The following RABGAP1L variants were observed in gnomAD, a reference collection of about 807,000 sequenced individuals.
RABGAP1L encodes rab GTPase-activating protein 1-like.
RABGAP1L carries 63 observed loss-of-function variants against 137.7 expected under a neutral mutation model. The ratio of observed to expected loss-of-function variants is 0.46; its 90% CI spans 0.37 to 0.56. The LOEUF (loss-of-function observed/expected upper bound fraction) is 0.56. Ranked by LOEUF, RABGAP1L falls within the 20% of genes least tolerant of loss-of-function variation. The pLI, the probability that RABGAP1L is intolerant of heterozygous loss-of-function variation, is 0.00. For synonymous variants in RABGAP1L, 431 were observed against 433.7 expected (o/e 0.99, Z 0.08); for missense variants, 1,095 against 1,244.0 (o/e 0.88, Z 1.80).
At chr1:174,455,126 G>A (rs1169634265) in intron 13 of RABGAP1L, among the ~76,000 whole-genome samples, 2 of 152,052 alleles carry the variant, frequency 1.3e-5, no homozygotes, top group Non-Finnish European at 2.9e-5. Flanking sequence ...AACATGAAAG[G>A]CACATATCAC....
intron 12 of RABGAP1L, among the ~76,000 whole-genome samples, chr1:174,372,744 A>G (rs1685207985): frequency 6.6e-6 from 1 of 152,152 alleles, no homozygotes; most frequent in African/African-American, 2.4e-5. Flanking sequence ...CACATGGAGC[A>G]CCAATAAGGT....
intron 14 of RABGAP1L, among the ~76,000 whole-genome samples, chr1:174,669,234 C>G (rs1677010438): frequency 6.6e-6 from 1 of 152,060 alleles, no homozygotes. Flanking sequence ...ATAAAACTAT[C>G]AGTTCTCATG....
At chr1:174,497,040 C>G (rs1435719965) in intron 13 of RABGAP1L, among the ~76,000 whole-genome samples, 1 of 152,218 alleles carries the variant, frequency 6.6e-6, no homozygotes, top group Non-Finnish European at 1.5e-5. Context: ...TGTGCACACA[C>G]TACTGGGGAG....
In RABGAP1L at chr1:174,573,326, G is replaced by C. The variant is rs181926756; in HGVS notation, c.1711-64049G>C. 3.7e-3 allele frequency among the ~76,000 whole-genome samples: 566 copies of C among 151,526 alleles called. 5 individuals are homozygous for C. The highest frequency in any genetic ancestry group is 0.012 in the African/African-American group (486 of 41,294). ...ATATATATATAATTTGTGTGTGTGTGTATATATATAACTTTTAATGTTATT... is the reference window on the plus strand; with the variant it reads ...ATATATATATAATTTGTGTGTGTGTCTATATATATAACTTTTAATGTTATT... On this transcript the variant is annotated intron_variant, in intron 13 of 25. Transcript: ENST00000681986.
At chr1:174,931,348 A>C (rs1192001246) in intron 19 of RABGAP1L, among the ~76,000 whole-genome samples, 5 of 152,196 alleles carry the variant, frequency 3.3e-5, no homozygotes, top group Admixed American at 1.3e-4. Context: ...GAATGCTTTG[A>C]ATAAGGGAAG....
At chr1:174,547,746 A>G in intron 13 of RABGAP1L, 3 of 1,103,156 alleles carry the variant, frequency 2.7e-6, no homozygotes, top group Non-Finnish European at 3.9e-6. Context: ...ATATGGAGTC[A>G]TTGTATTTGT....
At chr1:174,409,124 A>G (rs1160122106) in intron 13 of RABGAP1L, among the ~76,000 whole-genome samples, 1 of 152,118 alleles carries the variant, frequency 6.6e-6, no homozygotes, top group Non-Finnish European at 1.5e-5. Context: ...GTTTAGTCAT[A>G]AATTATTGTT....
At chr1:174,676,822 A>G (rs1032844749) in intron 14 of RABGAP1L, among the ~76,000 whole-genome samples, 1 of 152,138 alleles carries the variant, frequency 6.6e-6, no homozygotes, top group African/African-American at 2.4e-5. Context: ...TATGTTACAT[A>G]AAATAGAATT....
intron 7 of RABGAP1L, among the ~76,000 whole-genome samples, chr1:174,270,929 T>C (rs575603894): frequency 1.8e-4 from 28 of 152,264 alleles, no homozygotes; most frequent in African/African-American, 5.5e-4. Flanking sequence ...GAGAGTCAAA[T>C]TTTATTTCTA....
intron 17 of RABGAP1L, among the ~76,000 whole-genome samples, chr1:174,710,065 G>T (rs1477749172): frequency 6.6e-6 from 1 of 152,186 alleles, no homozygotes; most frequent in African/African-American, 2.4e-5. Flanking sequence ...AAGGATATCA[G>T]CGATTGAAGA....
chr1:174,771,682 A>T (rs1686121880), intron 18 of RABGAP1L, among the ~76,000 whole-genome samples: 1 of 152,198 alleles, frequency 6.6e-6, no homozygotes, highest in Admixed American at 6.5e-5. Context: ...CTGCACTGTG[A>T]TCATTCTATC....
intron 10 of RABGAP1L, among the ~76,000 whole-genome samples, chr1:174,284,588 G>A (rs111294340): frequency 4.6e-5 from 7 of 152,206 alleles, no homozygotes; most frequent in African/African-American, 1.7e-4. Context: ...TATATACCCA[G>A]CAGTGTGATA....
chr1:174,260,774 TGCACTATTACTA>T (rs765853670), intron 7 of RABGAP1L, among the ~76,000 whole-genome samples: 1 of 152,188 alleles, frequency 6.6e-6, no homozygotes, highest in Non-Finnish European at 1.5e-5. Context: ...GTTACCTAAA[TGCACTATTACTA>T]GCACTATTAC....
At chr1:174,488,751 T>C (rs183751585) in intron 13 of RABGAP1L, among the ~76,000 whole-genome samples, 1 of 152,194 alleles carries the variant, frequency 6.6e-6, no homozygotes, top group East Asian at 1.9e-4. Flanking sequence ...TATTTTCAAA[T>C]AGTTTGTCTT....
chr1:174,472,005 A>G (rs1657998999), intron 13 of RABGAP1L, among the ~76,000 whole-genome samples: 1 of 152,202 alleles, frequency 6.6e-6, no homozygotes, highest in African/African-American at 2.4e-5. Flanking sequence ...GAAGTGTGTA[A>G]TGCATGCTGT....
intron 24 of RABGAP1L, among the ~76,000 whole-genome samples, chr1:174,988,181 A>G (rs1671767828): frequency 6.6e-6 from 1 of 152,204 alleles, no homozygotes; most frequent in Non-Finnish European, 1.5e-5. Flanking sequence ...CTTTGTTGCA[A>G]GGGTAGATTT....
chr1:174,179,287 C>T (rs538602574), intron 1 of RABGAP1L, among the ~76,000 whole-genome samples: 6 of 152,214 alleles, frequency 3.9e-5, no homozygotes, highest in African/African-American at 1.4e-4. Context: ...CTTCCAAATA[C>T]CCAAGTCCTT....
At chr1:174,831,453 G>A (rs1034313369) in intron 19 of RABGAP1L, among the ~76,000 whole-genome samples, 1 of 148,096 alleles carries the variant, frequency 6.8e-6, no homozygotes, top group African/African-American at 2.5e-5. Flanking sequence ...AGGACAACTG[G>A]CAATTCTTTC....
At chr1:174,682,317 T>TATATAC (rs1553233077) in intron 14 of RABGAP1L, among the ~76,000 whole-genome samples, 30 of 148,642 alleles carry the variant, frequency 2.0e-4, no homozygotes, top group African/African-American at 7.1e-4. Flanking sequence ...TATATATATA[T>TATATAC]ACACACACAC....
Sources: allele counts gnomAD v4.1 joint callset (sites outside exome capture counted in the v4.1 genomes callset), GRCh38; gene constraint gnomAD v4.1.1; transcripts MANE v1.5; gene names NCBI Gene and HGNC (gene_info 2026-07-23, HGNC 2026-07-21).